The following HDAC9 variants were observed in gnomAD, a reference collection of about 807,000 sequenced individuals.
HDAC9 encodes MEF-2 interacting transcription repressor (MITR) protein.
Under a neutral mutation model 139.4 loss-of-function variants are expected in HDAC9, and 41 were observed. The observed-to-expected ratio is 0.29, with a 90% CI of 0.23 to 0.38. The LOEUF (loss-of-function observed/expected upper bound fraction) is 0.38. Among genes scored for constraint, HDAC9 ranks in the 10% least tolerant of loss-of-function variants. HDAC9 has a pLI of 1.00. For missense variants in HDAC9, 1,147 were observed against 1,297.0 expected (o/e 0.88, Z 1.78); for synonymous variants, 517 against 476.2 (o/e 1.09, Z -1.12).
rs77372781 is a variant in HDAC9 at position 18,307,505 on chromosome 7, A to T, written c.-42+16990A>T. Among the ~76,000 whole-genome samples the T allele has an allele frequency of 6.5e-3, 993 of 152,276 alleles. 13 individuals carry two copies. Among genetic ancestry groups the T allele is most frequent in the African/African-American group, 0.023 (958 of 41,544 alleles). On this transcript the variant is annotated intron_variant, in intron 1 of 3. Coordinates refer to the HDAC9 transcript ENST00000413509. ...GATTCTAAAACTAGTTTCTAACATT[A>T]TAAAATCAAAATTATTGCCTGGTGC...
intron 16 of HDAC9, among the ~76,000 whole-genome samples, chr7:18,776,172 G>A (rs1052100678): frequency 1.3e-5 from 2 of 151,990 alleles, no homozygotes; most frequent in African/African-American, 4.8e-5. Context: ...CAAACTCCCT[G>A]CCTCAAGCAA....
intron 1 of HDAC9, among the ~76,000 whole-genome samples, chr7:18,299,506 C>G (rs1798395034): frequency 6.6e-6 from 1 of 152,104 alleles, no homozygotes; most frequent in African/African-American, 2.4e-5. Context: ...GTTTAACTCT[C>G]TTTGCATACA....
At chr7:18,656,873 T>C (rs1436619431) in intron 11 of HDAC9, among the ~76,000 whole-genome samples, 1 of 152,116 alleles carries the variant, frequency 6.6e-6, no homozygotes, top group Non-Finnish European at 1.5e-5. Context: ...CTGTTCTCCA[T>C]AGTGGCTGTA....
At chr7:18,343,518 GTC>G (rs2128664373) in intron 1 of HDAC9, among the ~76,000 whole-genome samples, 1 of 151,858 alleles carries the variant, frequency 6.6e-6, no homozygotes, top group South Asian at 2.1e-4. Context: ...GCTCTGCTGT[GTC>G]TCTACAGAAT....
At chr7:18,800,604 G>T (rs1484022427) in intron 17 of HDAC9, among the ~76,000 whole-genome samples, 1 of 152,152 alleles carries the variant, frequency 6.6e-6, no homozygotes, top group Admixed American at 6.6e-5. Flanking sequence ...AGGCTGAAGT[G>T]GGTGGATTAC....
At chr7:18,330,478 A>G (rs900413983) in intron 1 of HDAC9, among the ~76,000 whole-genome samples, 1 of 151,616 alleles carries the variant, frequency 6.6e-6, no homozygotes, top group Non-Finnish European at 1.5e-5. Flanking sequence ...TTAGTCTGTA[A>G]TGTTGACTAA....
chr7:18,423,754 G>A (rs1321438539), intron 1 of HDAC9, among the ~76,000 whole-genome samples: 1 of 152,184 alleles, frequency 6.6e-6, no homozygotes, highest in Non-Finnish European at 1.5e-5. Flanking sequence ...AGTAGAAAGT[G>A]CCAGGCCTCT....
intron 6 of HDAC9, among the ~76,000 whole-genome samples, chr7:18,616,877 G>A (rs563607206): frequency 3.2e-4 from 49 of 152,218 alleles, no homozygotes; most frequent in Non-Finnish European, 6.2e-4. Context: ...AGACTTAGAG[G>A]TTACACCTAA....
intron 2 of HDAC9, among the ~76,000 whole-genome samples, chr7:18,189,961 C>T (rs1584543344): frequency 6.6e-6 from 1 of 150,660 alleles, no homozygotes; most frequent in Non-Finnish European, 1.5e-5. Flanking sequence ...ACGTTTGAGA[C>T]AGAGTTTTGC....
intron 22 of HDAC9, among the ~76,000 whole-genome samples, chr7:18,879,257 G>A (rs1046461968): frequency 3.3e-5 from 5 of 152,142 alleles, no homozygotes; most frequent in African/African-American, 1.2e-4. Flanking sequence ...CAGATTCAAT[G>A]CTATTTCTAT....
intron 3 of HDAC9, among the ~76,000 whole-genome samples, chr7:18,585,939 G>A (rs1383081470): frequency 2.0e-5 from 3 of 152,074 alleles, no homozygotes; most frequent in Non-Finnish European, 4.4e-5. Context: ...GAAGAGAGCT[G>A]TTTTTAAAAA....
In HDAC9 at chr7:18,779,308, T is replaced by C. The variant is rs567168849; in HGVS notation, c.2214+12153T>C. Reference sequence around the variant, plus strand: ...TCTAACACGAAATGAATATATACATTCAAGGAGCTGGCATGTTGTATCACA... The same window carrying C: ...TCTAACACGAAATGAATATATACATCCAAGGAGCTGGCATGTTGTATCACA... On this transcript the variant is annotated intron_variant, in intron 16 of 25. Transcript: ENST00000686413. 7.9e-5 allele frequency among the ~76,000 whole-genome samples: 12 copies of C among 152,156 alleles called. No individual in the cohort carries two copies. In the Middle Eastern group the frequency reaches 0.014, roughly 173 times the overall value.
At chr7:18,134,205 G>A (rs1283599560) in intron 1 of HDAC9, among the ~76,000 whole-genome samples, 3 of 152,096 alleles carry the variant, frequency 2.0e-5, no homozygotes, top group African/African-American at 7.2e-5. Context: ...CTTAGCAAGA[G>A]CCTTGGTATT....
intron 1 of HDAC9, among the ~76,000 whole-genome samples, chr7:18,378,565 C>A (rs370530534): frequency 6.6e-6 from 1 of 151,946 alleles, no homozygotes; most frequent in Non-Finnish European, 1.5e-5. Context: ...TTTTAGTAAT[C>A]TAATTTTTAT....
At chr7:18,993,485 A>G (rs74581317) in intron 25 of HDAC9, among the ~76,000 whole-genome samples, 1,876 of 152,252 alleles carry the variant, frequency 0.012, 34 homozygotes, top group African/African-American at 0.042. Context: ...TATGCTACTA[A>G]CACTTCTATG....
chr7:18,590,143 C>T (rs963755707), intron 3 of HDAC9, among the ~76,000 whole-genome samples, 193 bp from the exon 4 acceptor site: 1 of 152,152 alleles, frequency 6.6e-6, no homozygotes, highest in Non-Finnish European at 1.5e-5. Flanking sequence ...CTAAAACTTG[C>T]CTGTTGATGA....
At chr7:18,587,876 G>A (rs535553938) in intron 3 of HDAC9, among the ~76,000 whole-genome samples, 1 of 152,314 alleles carries the variant, frequency 6.6e-6, no homozygotes, top group African/African-American at 2.4e-5. Flanking sequence ...TGCTTTTCTA[G>A]ATTCCTATGA....
At chr7:18,731,399 A>G (rs1406580914) in intron 13 of HDAC9, among the ~76,000 whole-genome samples, 2 of 152,202 alleles carry the variant, frequency 1.3e-5, no homozygotes, top group African/African-American at 4.8e-5. Flanking sequence ...CTAAGAAGTT[A>G]TTTAACACAA....
intron 2 of HDAC9, among the ~76,000 whole-genome samples, chr7:18,511,326 A>AT (rs1801439450): frequency 6.6e-6 from 1 of 152,198 alleles, no homozygotes; most frequent in South Asian, 2.1e-4. Flanking sequence ...GGAAAGATCA[A>AT]TATCTTTTTC....
Sources: allele counts gnomAD v4.1 joint callset (sites outside exome capture counted in the v4.1 genomes callset), GRCh38; gene constraint gnomAD v4.1.1; transcripts MANE v1.5; gene names NCBI Gene and HGNC (gene_info 2026-07-23, HGNC 2026-07-21).